SDHA: variants seen among roughly 807,000 people sequenced by gnomAD.
SDHA encodes succinate dehydrogenase [ubiquinone] flavoprotein subunit, mitochondrial.
In SDHA, 48 loss-of-function variants were observed where a neutral mutation model predicts 78.4. That is an observed-to-expected ratio of 0.61 (90% confidence interval 0.49 to 0.78). The LOEUF (loss-of-function observed/expected upper bound fraction) is 0.78, where lower values mean the gene tolerates loss of function less well. SDHA is among the 30% of genes least tolerant of loss of function. SDHA has a pLI of 0.00. For missense variants in SDHA, 680 were observed against 892.7 expected (o/e 0.76, Z 3.04); for synonymous variants, 326 against 353.9 (o/e 0.92, Z 0.88).
chr5:237,825 A>G (rs1230406086), intron 10 of SDHA, among the ~76,000 whole-genome samples: 1 of 136,680 alleles, frequency 7.3e-6, no homozygotes, highest in Non-Finnish European at 1.5e-5. Flanking sequence ...TACTTCAGAC[A>G]CTCTGTCTCT....
At chr5:262,756 C>T in the SDHA span, among the ~76,000 whole-genome samples, 1 of 152,164 alleles carries the variant, frequency 6.6e-6, no homozygotes, top group Non-Finnish European at 1.5e-5. Flanking sequence ...AGAACAATGA[C>T]AATTATTTCC....
the SDHA span, among the ~76,000 whole-genome samples, chr5:267,982 G>C: frequency 6.6e-6 from 1 of 152,322 alleles, no homozygotes; most frequent in South Asian, 2.1e-4. Context: ...AGAATGTGGA[G>C]AGGACTTGTG....
downstream of SDHA, among the ~76,000 whole-genome samples, chr5:258,556 C>A (rs1339257682): frequency 8.9e-6 from 1 of 112,058 alleles, no homozygotes; most frequent in South Asian, 2.9e-4. Context: ...CTCTCAGAGC[C>A]TTGCCGTGAG....
At chr5:257,222 G>A (rs1737261157), downstream of SDHA, among the ~76,000 whole-genome samples, 2 of 152,160 alleles carry the variant, frequency 1.3e-5, no homozygotes, top group Non-Finnish European at 2.9e-5. Flanking sequence ...CAAATCAGGG[G>A]TCCCCAATCC....
At chr5:224,772 C>G in intron 3 of SDHA, 3 of 546,158 alleles carry the variant, frequency 5.5e-6, no homozygotes, top group Non-Finnish European at 9.9e-6. Flanking sequence ...ACCATCTTGC[C>G]TACTACCTTC....
intron 11 of SDHA, chr5:250,641 G>T (rs1452941546): frequency 8.4e-6 from 3 of 358,946 alleles, no homozygotes; most frequent in African/African-American, 6.4e-5. Flanking sequence ...CAGGAGTCCC[G>T]CCAGGGGTGT....
At chr5:225,756 G>T in intron 4 of SDHA, 127 bp from the exon 5 acceptor site, 1 of 1,394,422 alleles carries the variant, frequency 7.2e-7, no homozygotes, top group Non-Finnish European at 1.0e-6. Context: ...ATGAAGTGTT[G>T]ACATTTTCAT....
chr5:235,432 A>T lies in SDHA; in HGVS notation c.1260+93A>T, dbSNP rs1735717719. The T allele has an allele frequency of 3.2e-6, 4 of 1,257,198 alleles. No homozygotes were observed. The Admixed American group carries it at 5.3e-5, about 17-fold the overall frequency. The allele number at this position is 1,257,198 out of a possible 1,614,324, so 77.9% of individuals were successfully genotyped here. On this transcript the variant is annotated intron_variant, in intron 9 of 14. Coordinates refer to ENST00000264932, the MANE Select transcript of SDHA (RefSeq NM_004168.4). ...GTCTCTTTAGATCTTACAGGAAAAG[A>T]TAGATGTTTCCTTCAAGAAAGTACT...
intron 9 of SDHA, 98 bp from the exon 10 acceptor site, chr5:236,330 C>T: frequency 7.7e-7 from 1 of 1,293,982 alleles, no homozygotes; most frequent in Non-Finnish European, 1.1e-6. Flanking sequence ...GGCCTACTTC[C>T]CTCTCTCTGA....
intron 8 of SDHA, chr5:234,920 G>A: frequency 3.3e-6 from 2 of 606,732 alleles, no homozygotes. Flanking sequence ...TTTAGTGAGG[G>A]CAGAGTTTTT....
At chr5:235,528 C>T (rs1478938387) in intron 9 of SDHA, 189 bp downstream of exon 9, 5 of 658,002 alleles carry the variant, frequency 7.6e-6, no homozygotes, top group African/African-American at 5.4e-5. Context: ...ATTTATTCCT[C>T]CTTAGTAAAT....
At chr5:264,690 G>T in the SDHA span, among the ~76,000 whole-genome samples, 1 of 152,206 alleles carries the variant, frequency 6.6e-6, no homozygotes, top group African/African-American at 2.4e-5. Context: ...CATCAGGCTG[G>T]TGACAGTCAC....
intron 9 of SDHA, 171 bp downstream of exon 9, chr5:235,510 G>A (rs1323893022): frequency 5.6e-6 from 4 of 710,166 alleles, no homozygotes; most frequent in Non-Finnish European, 1.0e-5. Flanking sequence ...GATGGAGGGG[G>A]CTTAATAATT....
In SDHA at chr5:240,456, C is replaced by G. The variant is rs768257880; in HGVS notation, c.1531C>G (p.Leu511Val). ...TGATGGAAGCATAAGAACATCGGAA[C>G]TGCGACTCAGCATGCAGAAGGTAAG... is the stretch of plus-strand genomic sequence containing the variant. ...FADGSIRTSE[L>V]RLSMQKSMQN... The change falls in exon 11 of 15, where the codon CTG becomes GTG. Residue 511 changes from leucine to valine, a missense_variant. Physicochemically the swap from Leu to Val is conservative, Grantham distance 32. Coordinates refer to ENST00000264932, the MANE Select transcript of SDHA (RefSeq NM_004168.4). 1.2e-6 allele frequency: 2 copies of G among 1,608,198 alleles called. No individual in the cohort carries two copies. Among genetic ancestry groups the G allele is most frequent in the South Asian group, 1.1e-5 (1 of 90,910 alleles).
chr5:218,368 C>A lies in SDHA; in HGVS notation c.13C>A (p.Arg5=), dbSNP rs770866830. 1 of 1,457,254 alleles carries A rather than the reference C, an allele frequency of 6.9e-7. No homozygotes were observed. The highest frequency in any genetic ancestry group is 1.4e-5 in the South Asian group (1 of 70,264). The allele number at this position is 1,457,254 out of a possible 1,614,324, so 90.3% of individuals were successfully genotyped here. The change falls in exon 1 of 15, where the codon CGG becomes AGG. Residue 5 remains arginine (R), a synonymous_variant. Transcript: ENST00000264932. MSGV[R]GLSRLLSARR... ...GGCAACAGCAGACATGTCGGGGGTCCGGGGCCTGTCGCGGCTGCTGAGCGC... is the reference window on the plus strand; with the variant it reads ...GGCAACAGCAGACATGTCGGGGGTCAGGGGCCTGTCGCGGCTGCTGAGCGC...
At chr5:261,839 T>C (rs1338568740), downstream of SDHA, among the ~76,000 whole-genome samples, 3 of 7,282 alleles carry the variant, frequency 4.1e-4, no homozygotes, top group Non-Finnish European at 8.6e-4. Context: ...CGCCCTCCCG[T>C]CAGAGCATTA....
At chr5:222,547 C>A (rs1205381280) in intron 1 of SDHA, among the ~76,000 whole-genome samples, 2 of 152,002 alleles carry the variant, frequency 1.3e-5, no homozygotes, top group Admixed American at 6.6e-5. Flanking sequence ...GCCATGTTGG[C>A]CAGACTGGTC....
chr5:242,197 T>A (rs1439661270), intron 11 of SDHA, among the ~76,000 whole-genome samples: 1 of 152,176 alleles, frequency 6.6e-6, no homozygotes, highest in African/African-American at 2.4e-5. Flanking sequence ...GGTAAATTTT[T>A]GGGAACAGGC....
Position 243,723 on chromosome 5 carries a change from C to T in SDHA, c.1551+3247C>T, listed in dbSNP as rs113178684. The stretch of plus-strand genomic sequence containing the variant: ...ATATAGTGCTGCAGTTATCAGCTTT[C>T]GACAATGCTAATCCCGATTGCCAGG... On this transcript the variant is annotated intron_variant, in intron 11 of 14. Coordinates refer to ENST00000264932, the MANE Select transcript of SDHA (RefSeq NM_004168.4). Among the ~76,000 whole-genome samples the T allele has an allele frequency of 7.7e-4, 118 of 152,288 alleles. 1 individual carries two copies. The highest frequency in any genetic ancestry group is 1.0e-3 in the Non-Finnish European group (71 of 68,018).
Sources: allele counts gnomAD v4.1 joint callset (sites outside exome capture counted in the v4.1 genomes callset), GRCh38; gene constraint gnomAD v4.1.1; transcripts MANE v1.5; gene names NCBI Gene and HGNC (gene_info 2026-07-23, HGNC 2026-07-21).